CENPP: variants seen among roughly 807,000 people sequenced by gnomAD.
CENPP encodes the protein centromere protein P.
A neutral mutation model predicts 35.6 loss-of-function variants in CENPP; 24 were observed. That is an observed-to-expected ratio of 0.67 (90% confidence interval 0.49 to 0.95). The LOEUF is 0.95. Ranked by LOEUF, CENPP falls within the 40% of genes least tolerant of loss-of-function variation. The pLI is 0.00. For missense variants in CENPP, 332 were observed against 345.3 expected, an observed-to-expected ratio of 0.96 and a Z score of 0.31; for synonymous variants, 120 against 125.5, an observed-to-expected ratio of 0.96 and a Z score of 0.29.
intron 5 of CENPP, among the ~76,000 whole-genome samples, chr9:92,551,345 T>C (rs1043289219): frequency 1.5e-4 from 23 of 152,150 alleles, no homozygotes; most frequent in African/African-American, 5.3e-4. Flanking sequence ...GTCTGATGCT[T>C]TTTGTTTTTT....
In CENPP at chr9:92,384,897, T is replaced by C. The variant is rs1310670628; in HGVS notation, c.564+5038T>C. ...ATAAGCATATTGGTTTTGGCCTGCT[T>C]GAGTTTAAAACTTTTTTTGGTAGAC... On this transcript the variant is annotated intron_variant, in intron 5 of 7. Coordinates refer to ENST00000375587, the MANE Select transcript of CENPP (RefSeq NM_001012267.3). The C allele has an allele frequency of 5.9e-5, 9 of 152,666 alleles. No homozygotes were observed. The East Asian group carries it at 1.7e-3, about 29-fold the overall frequency. 9.5% of individuals were successfully genotyped at this position (152,666 alleles called of 1,614,324 possible). A position where few individuals can be genotyped will look rare whatever the true frequency, so the allele number is the denominator to read the frequency against.
chr9:92,547,965 A>G (rs1849507868), intron 5 of CENPP, among the ~76,000 whole-genome samples: 1 of 152,246 alleles, frequency 6.6e-6, no homozygotes, highest in Non-Finnish European at 1.5e-5. Flanking sequence ...CTTATGGGAA[A>G]AAAGAAGTAA....
intron 5 of CENPP, among the ~76,000 whole-genome samples, chr9:92,551,942 T>TATATATATATATG (rs1849603186): frequency 1.3e-5 from 1 of 79,520 alleles, no homozygotes; most frequent in Non-Finnish European, 2.3e-5. Context: ...TATATATATA[T>TATATATATATATG]ATATATATAT....
chr9:92,494,202 CTG>C, intron 5 of CENPP: 1 of 1,559,154 alleles, frequency 6.4e-7, no homozygotes, highest in Non-Finnish European at 8.7e-7. Flanking sequence ...GTATCTGTCT[CTG>C]TGTCATCCCA....
chr9:92,352,234 G>T (rs1841466426), intron 4 of CENPP, among the ~76,000 whole-genome samples: 1 of 150,184 alleles, frequency 6.7e-6, no homozygotes, highest in Non-Finnish European at 1.5e-5. Context: ...GCTGAGTGTG[G>T]TGGTGGGCGC....
At chr9:92,331,175 ATTTC>A (rs1461955879) in intron 1 of CENPP, among the ~76,000 whole-genome samples, 2 of 151,908 alleles carry the variant, frequency 1.3e-5, no homozygotes, top group Non-Finnish European at 2.9e-5. Flanking sequence ...TTATTTTTTA[ATTTC>A]TTTCTTTTTT....
chr9:92,548,345 G>T (rs1849517044), intron 5 of CENPP, among the ~76,000 whole-genome samples: 1 of 152,150 alleles, frequency 6.6e-6, no homozygotes, highest in South Asian at 2.1e-4. Flanking sequence ...AATTCATTAG[G>T]ATTAAGACAA....
intron 5 of CENPP, among the ~76,000 whole-genome samples, chr9:92,433,095 C>T (rs527700422): frequency 2.4e-4 from 36 of 152,182 alleles, no homozygotes; most frequent in African/African-American, 6.5e-4. Flanking sequence ...CAGAATACCA[C>T]GCAATGAATA....
intron 5 of CENPP, among the ~76,000 whole-genome samples, chr9:92,516,072 T>TCCCTCCCCCCCCCCC (rs1847691316): frequency 7.2e-6 from 1 of 139,694 alleles, no homozygotes; most frequent in South Asian, 2.5e-4. Context: ...TACTTTTTTT[T>TCCCTCCCCCCCCCCC]CCCCCCCCCG....
chr9:92,492,267 G>C (rs943499773), intron 5 of CENPP, among the ~76,000 whole-genome samples: 5 of 152,114 alleles, frequency 3.3e-5, no homozygotes, highest in Non-Finnish European at 7.4e-5. Context: ...CTTATGCCGA[G>C]TCTAAAATAA....
intron 5 of CENPP, among the ~76,000 whole-genome samples, chr9:92,454,310 T>G (rs1351969430): frequency 6.6e-5 from 10 of 152,200 alleles, no homozygotes; most frequent in Admixed American, 2.6e-4. Flanking sequence ...TTTTAAAATT[T>G]TGGTTTTGTC....
intron 5 of CENPP, among the ~76,000 whole-genome samples, chr9:92,488,612 C>G (rs1035541875): frequency 1.3e-5 from 2 of 152,074 alleles, no homozygotes; most frequent in Admixed American, 1.3e-4. Flanking sequence ...TTCTTTATTC[C>G]TAGTGTCACA....
chr9:92,610,035 C>T (rs1397664009), intron 5 of CENPP, among the ~76,000 whole-genome samples: 3 of 151,542 alleles, frequency 2.0e-5, no homozygotes, highest in Non-Finnish European at 4.4e-5. Context: ...CCCACCGCAC[C>T]CAGCCAAAAA....
intron 5 of CENPP, among the ~76,000 whole-genome samples, chr9:92,500,097 C>T (rs1846579677): frequency 6.6e-6 from 1 of 152,184 alleles, no homozygotes; most frequent in Non-Finnish European, 1.5e-5. Flanking sequence ...TTTATTTATA[C>T]ATGGAGGTAG....
chr9:92,437,054 T>C (rs1312337077), intron 5 of CENPP, among the ~76,000 whole-genome samples: 1 of 151,996 alleles, frequency 6.6e-6, no homozygotes, highest in Non-Finnish European at 1.5e-5. Flanking sequence ...ACAAAAAAAT[T>C]AGCCGGGCAT....
At chr9:92,484,694 T>G (rs993863624) in intron 5 of CENPP, among the ~76,000 whole-genome samples, 1 of 152,228 alleles carries the variant, frequency 6.6e-6, no homozygotes, top group Non-Finnish European at 1.5e-5. Flanking sequence ...TCTCTGGGAC[T>G]TGTGTTTTTC....
At chr9:92,397,255 A>G (rs918467155) in intron 5 of CENPP, among the ~76,000 whole-genome samples, 1 of 152,102 alleles carries the variant, frequency 6.6e-6, no homozygotes, top group South Asian at 2.1e-4. Context: ...AGATGTCCCA[A>G]ACTAACCTTG....
chr9:92,464,472 T>C (rs778373954), intron 5 of CENPP, among the ~76,000 whole-genome samples: 21 of 152,238 alleles, frequency 1.4e-4, no homozygotes, highest in Admixed American at 4.6e-4. Context: ...TTGCCTTGAA[T>C]GGCATGTCCA....
chr9:92,460,620 A>T, intron 5 of CENPP: 1 of 1,125,520 alleles, frequency 8.9e-7, no homozygotes, highest in Admixed American at 2.0e-5. Context: ...AGCCCAATTG[A>T]CTATTTGTTT....
Sources: gnomAD v4.1 joint callset for allele counts (sites outside exome capture counted in the v4.1 genomes callset) on GRCh38, gnomAD v4.1.1 for gene constraint, MANE v1.5 for transcripts, NCBI Gene and HGNC (gene_info 2026-07-23, HGNC 2026-07-21) for gene names.